ERAP2: variants seen among roughly 807,000 people sequenced by gnomAD.
ERAP2 encodes endoplasmic reticulum aminopeptidase 2, also known as leukocyte-derived arginine aminopeptidase.
A neutral mutation model predicts 111.1 loss-of-function variants in ERAP2; 118 were observed. The ratio of observed to expected loss-of-function variants is 1.06; its 90% CI spans 0.92 to 1.24. The LOEUF (loss-of-function observed/expected upper bound fraction) is 1.24. Ranked by LOEUF, ERAP2 falls within the 50% of genes most tolerant of loss-of-function variation. The probability of loss-of-function intolerance (pLI) is 0.00; values close to 1 mark genes in which losing one functional copy is unlikely to be tolerated. For synonymous variants in ERAP2, 410 were observed against 401.2 expected, an observed-to-expected ratio of 1.02 and a Z score of -0.26; for missense variants, 1,131 against 1,125.8, an observed-to-expected ratio of 1.00 and a Z score of -0.07.
chr5:96,908,995 A>T lies in ERAP2; in HGVS notation c.2047A>T (p.Met683Leu). 1 of 1,614,198 alleles carries T rather than the reference A, an allele frequency of 6.2e-7. No homozygotes were observed. The highest frequency in any genetic ancestry group is 1.3e-5 in the African/African-American group (1 of 75,066). ...GRLTLDKALD[M>L]TYYLQHETSS... ...ACTGACCCTAGACAAAGCTCTTGACATGACTTACTACCTCCAACATGAAAC... is the reference window on the plus strand; with the variant it reads ...ACTGACCCTAGACAAAGCTCTTGACTTGACTTACTACCTCCAACATGAAAC... Residue 683 changes from methionine (M) to leucine (L), a missense_variant, in exon 14 of 19, where the codon ATG (methionine) becomes TTG (leucine). Met to Leu is a conservative substitution (Grantham distance 15). Around this residue, in one of 3 missense-constraint regions of ERAP2, gnomAD observed 847 missense variants for 856.5 expected, o/e 0.99. Transcript: ENST00000437043.
At chr5:96,883,004 G>A (rs1783315872) in intron 2 of ERAP2, among the ~76,000 whole-genome samples, 1 of 152,124 alleles carries the variant, frequency 6.6e-6, no homozygotes, top group South Asian at 2.1e-4. Flanking sequence ...CCTGGTGTTG[G>A]GGTAGAGAAG....
At chr5:96,904,457 C>A (rs1251721715) in intron 13 of ERAP2, among the ~76,000 whole-genome samples, 2 of 152,148 alleles carry the variant, frequency 1.3e-5, no homozygotes, top group Non-Finnish European at 2.9e-5. Flanking sequence ...GACAAAGTTT[C>A]TCGGTACACT....
In ERAP2 at chr5:96,919,512, CAAT is replaced by C. The variant is rs1214404617; in HGVS notation, c.*1908_*1910del. The C allele has an allele frequency of 5.3e-5, 8 of 152,186 alleles. No homozygotes were observed. Among genetic ancestry groups the C allele is most frequent in the African/African-American group, 1.7e-4 (7 of 41,384 alleles). The allele number at this position is 152,186 out of a possible 1,614,324, so 9.4% of individuals were successfully genotyped here. A position where few individuals can be genotyped will look rare whatever the true frequency, so the allele number is the denominator to read the frequency against. On this transcript the variant is annotated 3_prime_UTR_variant, in exon 19 of 19. Transcript: ENST00000437043. The stretch of plus-strand genomic sequence containing the variant: ...AGTTTCAGTAGAACTGTACCATCAA[CAAT>C]GTTTCCATAAATATGCAGAGTTCTT...
chr5:96,878,737 G>A (rs1443979879), intron 1 of ERAP2, among the ~76,000 whole-genome samples: 4 of 152,120 alleles, frequency 2.6e-5, no homozygotes, highest in Admixed American at 2.6e-4. Context: ...AGACTAGCCA[G>A]GCCAACATGG....
rs1157465917 is a variant in ERAP2 at position 96,913,444 on chromosome 5, C to T, written c.2644C>T (p.His882Tyr). Residue 882 changes from histidine to tyrosine, a missense_variant, in exon 17 of 19, where the codon CAT becomes TAT. Coordinates refer to ENST00000437043, the MANE Select transcript of ERAP2 (RefSeq NM_022350.5). ...AWDFVRENWT[H>Y]LLKKFDLGSY... ...GGATTTTGTAAGAGAAAATTGGACC[C>T]ATCTTCTGAAAAAGTTGGTATTCAT... is the stretch of plus-strand genomic sequence containing the variant. The T allele has an allele frequency of 1.2e-6, 2 of 1,614,004 alleles. No individual in the cohort carries two copies. Among genetic ancestry groups the T allele is most frequent in the Non-Finnish European group, 8.5e-7 (1 of 1,179,938 alleles).
In ERAP2 at chr5:96,918,735, A is replaced by G. The variant is rs908687633; in HGVS notation, c.*1130A>G. On this transcript the variant is annotated 3_prime_UTR_variant, in exon 19 of 19. Transcript: ENST00000437043. ...CACAAGAAAGGAATATAATTCATACACTATTGCATTTTTAATAAATCTTTT... is the reference window on the plus strand; with the variant it reads ...CACAAGAAAGGAATATAATTCATACGCTATTGCATTTTTAATAAATCTTTT... 1.3e-5 allele frequency: 2 copies of G among 152,264 alleles called. No individual in the cohort carries two copies. The highest frequency in any genetic ancestry group is 2.9e-5 in the Non-Finnish European group (2 of 68,044). The allele number at this position is 152,264 out of a possible 1,614,324, so 9.4% of individuals were successfully genotyped here.
rs753409656 is a variant in ERAP2 at position 96,913,373 on chromosome 5, T to C, written c.2573T>C (p.Leu858Pro). The C allele has an allele frequency of 6.2e-7, 1 of 1,613,976 alleles. No individual in the cohort carries two copies. The change falls in exon 17 of 19, where the codon CTC (leucine) becomes CCC (proline). Residue 858 changes from leucine to proline, a missense_variant. Coordinates refer to ENST00000437043, the MANE Select transcript of ERAP2 (RefSeq NM_022350.5). ...KVIKTQNLAA[L>P]LHAIARRPKG... ...ATCAAGACACAGAACTTGGCAGCTC[T>C]CCTTCATGCGATTGCCAGACGTCCA...
Position 96,909,709 on chromosome 5 carries a change from A to T in ERAP2, c.2299A>T (p.Ile767Phe). Residue 767 changes from isoleucine to phenylalanine, a missense_variant, in exon 15 of 19, where the codon ATC becomes TTC. Physicochemically the swap from Ile to Phe is conservative, Grantham distance 21. Around this residue, in one of 3 missense-constraint regions of ERAP2, gnomAD observed 279 missense variants for 250.9 expected, o/e 1.11. Transcript: ENST00000437043. ...CTGTGACCTGAACCATGCTCCTTGC[A>T]TCCAGAAAGCTGCTGAACTCTTCTC... ...LACDLNHAPC[I>F]QKAAELFSQW... 6.2e-7 allele frequency: 1 copy of T among 1,614,210 alleles called. No individual in the cohort carries two copies. Among genetic ancestry groups the T allele is most frequent in the Non-Finnish European group, 8.5e-7 (1 of 1,180,024 alleles).
chr5:96,884,279 T>A (rs2151125683), intron 3 of ERAP2, among the ~76,000 whole-genome samples: 1 of 152,270 alleles, frequency 6.6e-6, no homozygotes, highest in South Asian at 2.1e-4. Context: ...GGGTCCAGAT[T>A]AATGGTCTGA....
At chr5:96,906,270 TC>T (rs1354020187) in intron 13 of ERAP2, among the ~76,000 whole-genome samples, 4 of 152,128 alleles carry the variant, frequency 2.6e-5, no homozygotes, top group African/African-American at 9.6e-5. Flanking sequence ...CTCTTCTTCT[TC>T]TTCAAGGGCT....
chr5:96,902,131 C>T (rs1322403054), intron 11 of ERAP2, 143 bp from the exon 12 acceptor site: 7 of 576,712 alleles, frequency 1.2e-5, no homozygotes, highest in East Asian at 2.8e-5. Flanking sequence ...TAGTCTTAGC[C>T]TATAAAATTT....
At chr5:96,884,564 T>C (rs1561362094) in intron 3 of ERAP2, among the ~76,000 whole-genome samples, 1 of 152,072 alleles carries the variant, frequency 6.6e-6, no homozygotes, top group Non-Finnish European at 1.5e-5. Context: ...TTTTTGTTTG[T>C]TTGTTTGTTT....
At chr5:96,895,554 A>G (rs1784792929) in intron 7 of ERAP2, among the ~76,000 whole-genome samples, 195 bp downstream of exon 7, 1 of 152,200 alleles carries the variant, frequency 6.6e-6, no homozygotes, top group East Asian at 1.9e-4. Context: ...ATCAACATAA[A>G]TCTGTCACCC....
intron 11 of ERAP2, 128 bp downstream of exon 11, chr5:96,901,809 G>C (rs1307167690): frequency 1.1e-6 from 1 of 901,274 alleles, no homozygotes; most frequent in Non-Finnish European, 1.6e-6. Flanking sequence ...AAGGCCTAAA[G>C]TAGACTTGAT....
At chr5:96,884,106 C>T (rs757643487) in intron 3 of ERAP2, among the ~76,000 whole-genome samples, 176 bp downstream of exon 3, 58 of 151,380 alleles carry the variant, frequency 3.8e-4, no homozygotes, top group Admixed American at 3.2e-3. Context: ...TCATTCTAGA[C>T]GTTAACATCA....
intron 4 of ERAP2, among the ~76,000 whole-genome samples, 193 bp downstream of exon 4, chr5:96,886,982 C>T (rs570877820): frequency 1.3e-5 from 2 of 151,026 alleles, no homozygotes; most frequent in East Asian, 3.9e-4. Flanking sequence ...TTAATGTAAG[C>T]CTTCCAAATA....
chr5:96,916,756 C>G (rs1787453077), intron 18 of ERAP2, among the ~76,000 whole-genome samples: 1 of 135,636 alleles, frequency 7.4e-6, no homozygotes, highest in African/African-American at 2.7e-5. Flanking sequence ...GCGTGAGCCA[C>G]CAGCCTATCT....
intron 4 of ERAP2, among the ~76,000 whole-genome samples, chr5:96,887,905 C>A (rs1016044961): frequency 2.0e-5 from 3 of 152,050 alleles, no homozygotes; most frequent in Admixed American, 6.5e-5. Context: ...GCTGGCAGAT[C>A]GCCTGAGGTC....
intron 2 of ERAP2, among the ~76,000 whole-genome samples, chr5:96,882,648 G>C (rs1783270308): frequency 6.6e-6 from 1 of 152,096 alleles, no homozygotes. Flanking sequence ...TTTCAATGTA[G>C]ACTTGTTACA....
Sources: allele counts gnomAD v4.1 joint callset (sites outside exome capture counted in the v4.1 genomes callset), GRCh38; gene constraint gnomAD v4.1.1; regional missense constraint gnomAD v4.1.1; transcripts MANE v1.5; gene names NCBI Gene and HGNC (gene_info 2026-07-23, HGNC 2026-07-21).